The following ADGRB3 variants were observed in gnomAD, a reference collection of about 807,000 sequenced individuals.
ADGRB3 encodes the protein adhesion G protein-coupled receptor B3, also known as brain-specific angiogenesis inhibitor 3.
Under a neutral mutation model 193.4 loss-of-function variants are expected in ADGRB3, and 37 were observed. That is an observed-to-expected ratio of 0.19 (90% CI 0.15 to 0.25). The LOEUF (loss-of-function observed/expected upper bound fraction) is 0.25. Ranked by LOEUF, ADGRB3 falls within the 10% of genes least tolerant of loss-of-function variation. The pLI is 1.00. For missense variants in ADGRB3, 1,637 were observed against 1,852.9 expected (o/e 0.88, Z 2.14); for synonymous variants, 690 against 644.2 (o/e 1.07, Z -1.08).
At chr6:69,031,277 A>G (rs1770674222) in intron 13 of ADGRB3, among the ~76,000 whole-genome samples, 1 of 151,500 alleles carries the variant, frequency 6.6e-6, no homozygotes, top group South Asian at 2.1e-4. Context: ...AGTCTCTACT[A>G]AAAATACAAA....
intron 17 of ADGRB3, among the ~76,000 whole-genome samples, chr6:69,155,363 T>C (rs750906379): frequency 6.6e-6 from 1 of 152,216 alleles, no homozygotes; most frequent in African/African-American, 2.4e-5. Flanking sequence ...GTGTGCTTGT[T>C]TTCATCTGAC....
chr6:68,693,329 G>T (rs1347879132), intron 3 of ADGRB3, among the ~76,000 whole-genome samples: 1 of 151,904 alleles, frequency 6.6e-6, no homozygotes, highest in Non-Finnish European at 1.5e-5. Context: ...GTTGTAAAGA[G>T]AAATGAAAAT....
At chr6:68,639,715 T>C (rs1768037614) in intron 3 of ADGRB3, among the ~76,000 whole-genome samples, 1 of 152,044 alleles carries the variant, frequency 6.6e-6, no homozygotes, top group African/African-American at 2.4e-5. Context: ...GCACTAGAGA[T>C]TGGTGAGGAG....
intron 17 of ADGRB3, among the ~76,000 whole-genome samples, chr6:69,155,892 G>A (rs924104116): frequency 2.6e-5 from 4 of 152,028 alleles, no homozygotes; most frequent in East Asian, 1.9e-4. Context: ...TTTAAAAGGC[G>A]AACAAAAATT....
intron 10 of ADGRB3, among the ~76,000 whole-genome samples, chr6:68,976,776 G>A (rs936378216): frequency 6.6e-6 from 1 of 151,934 alleles, no homozygotes; most frequent in African/African-American, 2.4e-5. Context: ...GGTCTTGCAG[G>A]CTCAGGAGTG....
chr6:69,312,955 C>A (rs1414952221), intron 20 of ADGRB3, among the ~76,000 whole-genome samples: 2 of 151,780 alleles, frequency 1.3e-5, no homozygotes, highest in African/African-American at 4.8e-5. Context: ...AAGAACTAAA[C>A]ACTTTACACT....
chr6:69,017,105 AC>A (rs1424032043), intron 12 of ADGRB3, among the ~76,000 whole-genome samples: 14 of 151,878 alleles, frequency 9.2e-5, no homozygotes, highest in Non-Finnish European at 1.8e-4. Context: ...AAAAATTGGA[AC>A]TATCTCAGTT....
At chr6:69,271,973 T>G (rs1265244555) in intron 20 of ADGRB3, among the ~76,000 whole-genome samples, 1 of 152,162 alleles carries the variant, frequency 6.6e-6, no homozygotes, top group Non-Finnish European at 1.5e-5. Context: ...ACCATCCATC[T>G]CAAATTATCT....
At chr6:69,354,725 A>G (rs1769300520) in intron 27 of ADGRB3, among the ~76,000 whole-genome samples, 2 of 152,224 alleles carry the variant, frequency 1.3e-5, no homozygotes, top group African/African-American at 4.8e-5. Flanking sequence ...GCTACACCAC[A>G]GACCAATTAA....
intron 3 of ADGRB3, among the ~76,000 whole-genome samples, chr6:68,642,158 T>G (rs902755526): frequency 3.9e-5 from 6 of 152,176 alleles, no homozygotes; most frequent in African/African-American, 1.4e-4. Context: ...TATTCACTAA[T>G]AAATACTGAC....
intron 31 of ADGRB3, among the ~76,000 whole-genome samples, chr6:69,387,393 A>G (rs1248093849): frequency 6.6e-6 from 1 of 152,168 alleles, no homozygotes; most frequent in Non-Finnish European, 1.5e-5. Context: ...ATATTTGACT[A>G]AAGCATAATT....
chr6:68,772,872 A>AACAT (rs1390223197), intron 3 of ADGRB3, among the ~76,000 whole-genome samples: 3 of 24,662 alleles, frequency 1.2e-4, no homozygotes, highest in African/African-American at 4.4e-4. Flanking sequence ...CAAACAAACA[A>AACAT]ACAAACAAAC....
At chr6:68,659,701 T>C (rs1015354613) in intron 3 of ADGRB3, among the ~76,000 whole-genome samples, 2 of 151,040 alleles carry the variant, frequency 1.3e-5, no homozygotes, top group Admixed American at 1.3e-4. Flanking sequence ...GAAAGGACTT[T>C]AGGTACACGA....
chr6:69,219,883 T>C (rs968286061), intron 17 of ADGRB3, among the ~76,000 whole-genome samples: 1 of 152,014 alleles, frequency 6.6e-6, no homozygotes, highest in East Asian at 1.9e-4. Flanking sequence ...ATGTACATTA[T>C]AGTAATGGGT....
intron 3 of ADGRB3, among the ~76,000 whole-genome samples, chr6:68,744,279 A>C (rs1323852524): frequency 6.6e-6 from 1 of 152,166 alleles, no homozygotes; most frequent in Non-Finnish European, 1.5e-5. Flanking sequence ...AATGCTTTAC[A>C]CTGTTGATGG....
At chr6:68,952,317 A>G (rs182041352) in intron 6 of ADGRB3, among the ~76,000 whole-genome samples, 1 of 152,242 alleles carries the variant, frequency 6.6e-6, no homozygotes, top group East Asian at 1.9e-4. Context: ...TAAAAATTAT[A>G]TATATACATA....
At chr6:69,373,754 G>A (rs72915036) in intron 30 of ADGRB3, among the ~76,000 whole-genome samples, 5,738 of 152,000 alleles carry the variant, frequency 0.038, 153 homozygotes, top group Non-Finnish European at 0.059. Flanking sequence ...ATGTCTAAAA[G>A]CAATAAATTG....
At chr6:69,162,391 A>G (rs548648732) in intron 17 of ADGRB3, among the ~76,000 whole-genome samples, 1 of 152,278 alleles carries the variant, frequency 6.6e-6, no homozygotes, top group East Asian at 1.9e-4. Context: ...GCTAAATTCC[A>G]TTAAGGGTTT....
chr6:68,685,450 A>T (rs1010045935), intron 3 of ADGRB3, among the ~76,000 whole-genome samples: 5 of 152,132 alleles, frequency 3.3e-5, no homozygotes, highest in Admixed American at 3.3e-4. Flanking sequence ...AATAGAACAT[A>T]GAAAAAATAG....
Sources: allele counts gnomAD v4.1 joint callset (sites outside exome capture counted in the v4.1 genomes callset), GRCh38; gene constraint gnomAD v4.1.1; transcripts MANE v1.5; gene names NCBI Gene and HGNC (gene_info 2026-07-23, HGNC 2026-07-21).